Variants in TVP23A observed in about 807,000 individuals in gnomAD.
TVP23A encodes the protein Golgi apparatus membrane protein TVP23 homolog A.
Under a neutral mutation model 31.7 loss-of-function variants are expected in TVP23A, and 21 were observed. The observed-to-expected ratio is 0.66, with a 90% CI of 0.47 to 0.95. TVP23A has a LOEUF of 0.95. Ranked by LOEUF, TVP23A falls within the 40% of genes least tolerant of loss-of-function variation. TVP23A has a pLI of 0.00. For missense variants in TVP23A, 279 were observed against 255.6 expected (o/e 1.09, Z -0.62); for synonymous variants, 104 against 96.0 (o/e 1.08, Z -0.49).
intron 2 of TVP23A, among the ~76,000 whole-genome samples, chr16:10,784,073 G>A (rs2032586597): frequency 6.6e-6 from 1 of 152,012 alleles, no homozygotes; most frequent in Non-Finnish European, 1.5e-5. Context: ...GCTCATGCCT[G>A]CCTACAATCC....
chr16:10,771,649 A>G, intron 6 of TVP23A, 21 bp downstream of exon 6: 1 of 1,613,694 alleles, frequency 6.2e-7, no homozygotes. Flanking sequence ...GTGGTCCAAG[A>G]GTCAGACCTC....
At chr16:10,780,001 T>C (rs1372314631) in intron 2 of TVP23A, among the ~76,000 whole-genome samples, 1 of 151,950 alleles carries the variant, frequency 6.6e-6, no homozygotes, top group East Asian at 1.9e-4. Flanking sequence ...GGCAGGGGAA[T>C]TGCTTGAACC....
intron 2 of TVP23A, among the ~76,000 whole-genome samples, chr16:10,780,357 T>C (rs529177114): frequency 6.6e-6 from 1 of 152,240 alleles, no homozygotes; most frequent in African/African-American, 2.4e-5. Flanking sequence ...CCAATAAACT[T>C]ATTTCATCCT....
intron 2 of TVP23A, among the ~76,000 whole-genome samples, chr16:10,816,895 TA>T (rs199851819): frequency 5.2e-4 from 68 of 131,388 alleles, no homozygotes; most frequent in African/African-American, 1.7e-3. Context: ...ATAAATAAAA[TA>T]AAAAAAAAGA....
chr16:10,806,214 A>G (rs981152572), intron 2 of TVP23A, among the ~76,000 whole-genome samples: 2 of 152,128 alleles, frequency 1.3e-5, no homozygotes, highest in African/African-American at 4.8e-5. Context: ...ATGGTGATAC[A>G]TGCCTGTAAT....
chr16:10,800,098 A>G (rs758724453), intron 2 of TVP23A, among the ~76,000 whole-genome samples: 13 of 150,142 alleles, frequency 8.7e-5, no homozygotes, highest in Non-Finnish European at 1.6e-4. Flanking sequence ...TTTAATTGAA[A>G]ACAATTTTTT....
downstream of TVP23A, among the ~76,000 whole-genome samples, chr16:10,765,464 C>A (rs1172267041): frequency 6.6e-6 from 1 of 151,938 alleles, no homozygotes; most frequent in East Asian, 1.9e-4. The surrounding 1 kb of genome is among the most constrained non-coding windows in gnomAD (Gnocchi z 4.0). Context: ...GCCATGATCA[C>A]ACCACTGCAC....
intron 3 of TVP23A, 69 bp downstream of exon 3, chr16:10,774,883 T>C: frequency 7.0e-7 from 1 of 1,438,418 alleles, no homozygotes. Context: ...AAAGTACCTC[T>C]TGGTACCACG....
chr16:10,813,860 G>A (rs1408825927), intron 2 of TVP23A, among the ~76,000 whole-genome samples: 3 of 151,768 alleles, frequency 2.0e-5, no homozygotes, highest in East Asian at 1.9e-4. Flanking sequence ...ATTAGCCAGC[G>A]TGGTGGCACG....
intron 2 of TVP23A, among the ~76,000 whole-genome samples, chr16:10,782,005 G>A (rs2032456117): frequency 6.6e-6 from 1 of 151,770 alleles, no homozygotes; most frequent in Non-Finnish European, 1.5e-5. Context: ...GGGATTGCAG[G>A]TGCCTGCCAC....
chr16:10,766,869 T>C lies in TVP23A; in HGVS notation c.*2233A>G. ...AAAGTCATTTACGGCATACGTCCTATGGAGAGGACATTTCCTGTTATGGCT... is the reference window on the plus strand; with the variant it reads ...AAAGTCATTTACGGCATACGTCCTACGGAGAGGACATTTCCTGTTATGGCT... On this transcript the variant is annotated 3_prime_UTR_variant, in exon 8 of 8. Coordinates refer to ENST00000299866, the MANE Select transcript of TVP23A (RefSeq NM_001079512.4). The surrounding 1 kb of genome is among the most constrained non-coding windows in gnomAD (Gnocchi z 4.8). 5.0e-6 allele frequency: 2 copies of C among 398,500 alleles called. No individual in the cohort carries two copies. Among genetic ancestry groups the C allele is most frequent in the Non-Finnish European group, 8.8e-6 (2 of 226,064 alleles). 24.7% of individuals were successfully genotyped at this position (398,500 alleles called of 1,614,324 possible).
At chr16:10,813,743 C>T (rs62026505) in intron 2 of TVP23A, among the ~76,000 whole-genome samples, 5,575 of 152,142 alleles carry the variant, frequency 0.037, 153 homozygotes, top group Non-Finnish European at 0.051. Context: ...TGGTGGCTCA[C>T]GCCTGTAATC....
At chr16:10,813,848 A>G (rs1412724302) in intron 2 of TVP23A, among the ~76,000 whole-genome samples, 1 of 151,714 alleles carries the variant, frequency 6.6e-6, no homozygotes, top group African/African-American at 2.4e-5. Flanking sequence ...TAAAAATACA[A>G]AATTAGCCAG....
At chr16:10,775,398 G>GT in intron 2 of TVP23A, 1 of 1,154,184 alleles carries the variant, frequency 8.7e-7, no homozygotes, top group South Asian at 2.5e-5. Flanking sequence ...GAAGTGAAAC[G>GT]TGACAGCAGT....
chr16:10,818,112 G>T lies in TVP23A; in HGVS notation c.80C>A (p.Ala27Asp), dbSNP rs745571995. ...GNEEELAFRKAKIRHPLATFF... is the reference protein window; with the variant it reads ...GNEEELAFRKDKIRHPLATFF... ...CTCCATCCCAACACACCTGATCTTGGCTTTCCTAAAGGCCAGCTCCTCCTC... is the reference window on the plus strand; with the variant it reads ...CTCCATCCCAACACACCTGATCTTGTCTTTCCTAAAGGCCAGCTCCTCCTC... Residue 27 changes from alanine (A) to aspartate (D), a missense_variant, in exon 2 of 8, where the codon GCC becomes GAC. Transcript: ENST00000299866. This position sits in a 1 kb window ranked among gnomAD's most constrained non-coding sequence, Gnocchi z 4.7. 28 of 1,607,984 alleles carry T rather than the reference G, an allele frequency of 1.7e-5. No homozygotes were observed. The East Asian group carries it at 6.3e-4, about 36-fold the overall frequency.
intron 5 of TVP23A, 60 bp from the exon 6 acceptor site, chr16:10,771,858 G>A (rs559427410): frequency 3.3e-5 from 50 of 1,531,246 alleles, no homozygotes; most frequent in South Asian, 2.9e-4. Flanking sequence ...TCGCTCTGTC[G>A]CCCAGGCTGG....
At chr16:10,810,320 G>A (rs1427322370) in intron 2 of TVP23A, among the ~76,000 whole-genome samples, 1 of 152,114 alleles carries the variant, frequency 6.6e-6, no homozygotes, top group African/African-American at 2.4e-5. Context: ...AGGCCAAGGT[G>A]GGAGGATCAC....
At chr16:10,761,593 CAATT>C in intron 8 of TVP23A, 1 of 1,023,382 alleles carries the variant, frequency 9.8e-7, no homozygotes, top group East Asian at 2.5e-5. Flanking sequence ...AGTGGAATCA[CAATT>C]AAAATCCCTT....
chr16:10,801,814 T>C (rs145200095), intron 2 of TVP23A, among the ~76,000 whole-genome samples: 3 of 152,088 alleles, frequency 2.0e-5, no homozygotes, highest in East Asian at 3.9e-4. Flanking sequence ...AACTACAGAT[T>C]AGATAGTCTC....
Sources: gnomAD v4.1 joint callset for allele counts (sites outside exome capture counted in the v4.1 genomes callset) on GRCh38, gnomAD v4.1.1 for gene constraint, Gnocchi (gnomAD v3.1) non-coding constraint, MANE v1.5 for transcripts, NCBI Gene and HGNC (gene_info 2026-07-23, HGNC 2026-07-21) for gene names.